Variants in ZCCHC7 observed in about 807,000 individuals in gnomAD.
The protein encoded by ZCCHC7 is zinc finger CCHC domain-containing protein 7.
A neutral mutation model predicts 52.0 loss-of-function variants in ZCCHC7; 35 were observed. The observed-to-expected ratio is 0.67, with a 90% CI of 0.51 to 0.89. The LOEUF (loss-of-function observed/expected upper bound fraction) is 0.89, where lower values mean the gene tolerates loss of function less well. Ranked by LOEUF, ZCCHC7 falls within the 40% of genes least tolerant of loss-of-function variation. The probability of loss-of-function intolerance (pLI) is 0.00; values close to 1 mark genes in which losing one functional copy is unlikely to be tolerated. For synonymous variants in ZCCHC7, 217 were observed against 221.5 expected (o/e 0.98, Z 0.18); for missense variants, 574 against 649.1 (o/e 0.88, Z 1.26).
chr9:37,243,399 G>A (rs1007185860), intron 2 of ZCCHC7, among the ~76,000 whole-genome samples: 18 of 151,650 alleles, frequency 1.2e-4, no homozygotes, highest in Admixed American at 5.9e-4. Flanking sequence ...GAGTATTGCC[G>A]GCTACAAGTG....
chr9:37,212,691 T>G lies in ZCCHC7; in HGVS notation c.610+85749T>G, dbSNP rs141478875. 3.0e-4 allele frequency among the ~76,000 whole-genome samples: 46 copies of G among 152,326 alleles called. 1 individual carries two copies. The East Asian group carries it at 8.9e-3, about 29-fold the overall frequency. On this transcript the variant is annotated intron_variant, in intron 2 of 8. Coordinates refer to ENST00000336755, the MANE Select transcript of ZCCHC7 (RefSeq NM_032226.3). ...TCGTTCACCTTGTTGGATGAATTGC[T>G]TCTCTCTCAGGATTAATTAAGAAAA...
rs60251308 is a variant in ZCCHC7, at chr9:37,280,746, G to GTC, written c.611-21428_611-21427dup. Among the ~76,000 whole-genome samples, 835 of 151,240 alleles carry GTC rather than the reference G, an allele frequency of 5.5e-3. 5 individuals are homozygous for GTC. Among genetic ancestry groups the GTC allele is most frequent in the African/African-American group, 0.019 (782 of 41,308 alleles). On this transcript the variant is annotated intron_variant, in intron 2 of 8. Coordinates refer to ENST00000336755, the MANE Select transcript of ZCCHC7 (RefSeq NM_032226.3). ...CAGATGATTCTCTGATTTTCTCTCT[G>GTC]TCTCTCTCTCTCTCTTTCTTTCTCT... is the stretch of plus-strand genomic sequence containing the variant.
intron 2 of ZCCHC7, among the ~76,000 whole-genome samples, chr9:37,266,797 C>T (rs1347443448): frequency 6.6e-6 from 1 of 152,010 alleles, no homozygotes; most frequent in East Asian, 1.9e-4. Context: ...TAGCTTGAGC[C>T]GGGATGATCA....
chr9:37,214,763 T>C (rs1364716544), intron 2 of ZCCHC7, among the ~76,000 whole-genome samples: 1 of 152,036 alleles, frequency 6.6e-6, no homozygotes, highest in Non-Finnish European at 1.5e-5. Flanking sequence ...GTATGTTTAG[T>C]GAAAACAAAT....
intron 6 of ZCCHC7, among the ~76,000 whole-genome samples, chr9:37,338,646 A>G (rs1257664744): frequency 1.3e-5 from 2 of 152,260 alleles, no homozygotes; most frequent in Non-Finnish European, 2.9e-5. Context: ...CTTTTTTCCA[A>G]TATGGCAAAT....
chr9:37,341,724 C>T (rs1037056076), intron 6 of ZCCHC7, among the ~76,000 whole-genome samples: 30 of 152,036 alleles, frequency 2.0e-4, no homozygotes, highest in African/African-American at 7.3e-4. Context: ...GAAGGCCTTA[C>T]TGAGATGACA....
At chr9:37,128,384 G>A (rs934908981) in intron 2 of ZCCHC7, among the ~76,000 whole-genome samples, 1 of 152,142 alleles carries the variant, frequency 6.6e-6, no homozygotes, top group African/African-American at 2.4e-5. Context: ...GGGGATAATT[G>A]GAAGCTTAGA....
chr9:37,305,880 A>G (rs979991809), intron 5 of ZCCHC7, among the ~76,000 whole-genome samples, 166 bp downstream of exon 5: 2 of 152,118 alleles, frequency 1.3e-5, no homozygotes, highest in African/African-American at 2.4e-5. Context: ...CTGAACATGT[A>G]TATAAAGCAG....
intron 2 of ZCCHC7, among the ~76,000 whole-genome samples, chr9:37,161,788 G>A (rs972707102): frequency 6.6e-6 from 1 of 152,108 alleles, no homozygotes; most frequent in Admixed American, 6.5e-5. Flanking sequence ...GGAAGATCAC[G>A]CGTAAATGCC....
intron 2 of ZCCHC7, among the ~76,000 whole-genome samples, chr9:37,234,400 A>G (rs1269889073): frequency 6.6e-6 from 1 of 152,242 alleles, no homozygotes; most frequent in Non-Finnish European, 1.5e-5. Flanking sequence ...CAGAGATAGT[A>G]TCTTTTTTGA....
chr9:37,294,196 G>T (rs118041411), intron 2 of ZCCHC7, among the ~76,000 whole-genome samples: 1 of 152,194 alleles, frequency 6.6e-6, no homozygotes, highest in Non-Finnish European at 1.5e-5. Context: ...AAGTGGCTTA[G>T]CCCTCAGGGG....
Position 37,235,118 on chromosome 9 carries a change from C to T in ZCCHC7, c.611-67070C>T, listed in dbSNP as rs980671325. The stretch of plus-strand genomic sequence containing the variant: ...TTCAAAATGTTACATTCAAAATCCT[C>T]TTTTCTGGTTATTGTGAAAAATATA... On this transcript the variant is annotated intron_variant, in intron 2 of 8. Transcript: ENST00000336755. Among the ~76,000 whole-genome samples the T allele has an allele frequency of 2.6e-5, 4 of 152,278 alleles. No individual in the cohort carries two copies. In the East Asian group the frequency reaches 5.8e-4, roughly 22 times the overall value.
intron 2 of ZCCHC7, among the ~76,000 whole-genome samples, chr9:37,289,188 C>T (rs765385804): frequency 2.0e-5 from 3 of 149,384 alleles, no homozygotes; most frequent in South Asian, 2.1e-4. Context: ...CTCGCTCTGT[C>T]GCCCAGGCTG....
chr9:37,306,700 T>G (rs934118734), intron 5 of ZCCHC7, among the ~76,000 whole-genome samples: 3 of 141,536 alleles, frequency 2.1e-5, no homozygotes, highest in African/African-American at 7.8e-5. Context: ...CCTGACCTCA[T>G]GATCCGCCCG....
intron 6 of ZCCHC7, among the ~76,000 whole-genome samples, chr9:37,339,160 T>A (rs1830815937): frequency 6.6e-6 from 1 of 152,198 alleles, no homozygotes; most frequent in African/African-American, 2.4e-5. Flanking sequence ...ATTCTGTTTT[T>A]TCACTAAGCA....
At chr9:37,163,184 A>G (rs1485613891) in intron 2 of ZCCHC7, among the ~76,000 whole-genome samples, 5 of 151,988 alleles carry the variant, frequency 3.3e-5, no homozygotes, top group Admixed American at 1.3e-4. Context: ...CTGGCAACAG[A>G]GTGAGACTCT....
chr9:37,153,997 C>T (rs573418881), intron 2 of ZCCHC7, among the ~76,000 whole-genome samples: 4 of 152,224 alleles, frequency 2.6e-5, no homozygotes, highest in African/African-American at 9.6e-5. Context: ...CTAAGTGATC[C>T]TCACACCTCA....
At chr9:37,175,297 G>A (rs578079693) in intron 2 of ZCCHC7, among the ~76,000 whole-genome samples, 5 of 152,176 alleles carry the variant, frequency 3.3e-5, no homozygotes, top group South Asian at 2.1e-4. Context: ...TCGCAGAATA[G>A]CACCTCCAAA....
At chr9:37,200,268 C>T (rs759258071) in intron 2 of ZCCHC7, among the ~76,000 whole-genome samples, 2 of 151,826 alleles carry the variant, frequency 1.3e-5, no homozygotes, top group African/African-American at 4.8e-5. Context: ...CACTGTGTAT[C>T]ATTAAAAAAT....
Sources: allele counts gnomAD v4.1 joint callset (sites outside exome capture counted in the v4.1 genomes callset), GRCh38; gene constraint gnomAD v4.1.1; transcripts MANE v1.5; gene names NCBI Gene and HGNC (gene_info 2026-07-23, HGNC 2026-07-21).